PCID2: variants seen among roughly 807,000 people sequenced by gnomAD.
PCID2 encodes the protein PCI domain-containing protein 2.
A neutral mutation model predicts 61.3 loss-of-function variants in PCID2; 41 were observed. That is an observed-to-expected ratio of 0.67 (90% CI 0.52 to 0.87). PCID2 has a LOEUF of 0.87. PCID2 is among the 40% of genes least tolerant of loss of function. The pLI is 0.00. For synonymous variants in PCID2, 187 were observed against 177.8 expected (o/e 1.05, Z -0.41); for missense variants, 392 against 493.4 (o/e 0.79, Z 1.95).
chr13:113,178,432 A>G, intron 13 of PCID2, 145 bp from the exon 14 acceptor site: 1 of 580,666 alleles, frequency 1.7e-6, no homozygotes, highest in Non-Finnish European at 3.1e-6. Context: ...GAGTAAAAAT[A>G]AATACAATCA....
chr13:113,203,398 A>G (rs1032331663), intron 1 of PCID2, among the ~76,000 whole-genome samples: 5 of 152,222 alleles, frequency 3.3e-5, no homozygotes, highest in Admixed American at 3.3e-4. Context: ...TATTATGGAA[A>G]CTAAGTTTCT....
the PCID2 span, among the ~76,000 whole-genome samples, chr13:113,166,698 T>C: frequency 1.3e-4 from 20 of 152,354 alleles, no homozygotes; most frequent in Middle Eastern, 0.01. Flanking sequence ...TTATCACTTT[T>C]CCTGCCCAAG....
chr13:113,190,620 G>A (rs1366283410), intron 7 of PCID2: 1 of 335,336 alleles, frequency 3.0e-6, no homozygotes, highest in Non-Finnish European at 5.3e-6. Context: ...GCACTAGACG[G>A]AAACTGGTTC....
chr13:113,190,230 TA>T lies in PCID2; in HGVS notation c.467+641del, dbSNP rs57820999. Among the ~76,000 whole-genome samples, 519 of 129,496 alleles carry T rather than the reference TA, an allele frequency of 4.0e-3. 1 individual carries two copies. Among genetic ancestry groups the T allele is most frequent in the African/African-American group, 9.9e-3 (343 of 34,788 alleles). 85.0% of individuals were successfully genotyped at this position (129,496 alleles called of 152,430 possible). A position where few individuals can be genotyped will look rare whatever the true frequency, so the allele number is the denominator to read the frequency against. ...CCAATGAACCCTAAACAGAAGAAAT[TA>T]AAAAAAAAAAAAAAAACCAACTATG... is the stretch of plus-strand genomic sequence containing the variant. On this transcript the variant is annotated intron_variant, in intron 7 of 13. Transcript: ENST00000337344.
At chr13:113,196,271 T>G (rs1357320180) in intron 4 of PCID2, 49 bp from the exon 5 acceptor site, 1 of 1,369,182 alleles carries the variant, frequency 7.3e-7, no homozygotes, top group East Asian at 2.3e-5. Context: ...TAATGCTACG[T>G]ACGATAAAAG....
chr13:113,197,081 A>C (rs1392454905), intron 4 of PCID2, 97 bp downstream of exon 4: 1 of 1,614,140 alleles, frequency 6.2e-7, no homozygotes, highest in African/African-American at 1.3e-5. Flanking sequence ...CTAACTGCAG[A>C]AATGAGCAAC....
rs193147439 is a variant in PCID2, at chr13:113,198,328, A to G, written c.127-64T>C. 8 of 962,868 alleles carry G rather than the reference A, an allele frequency of 8.3e-6. No individual in the cohort carries two copies. In the African/African-American group the frequency reaches 1.1e-4, roughly 14 times the overall value. The allele number at this position is 962,868 out of a possible 1,614,324, so 59.6% of individuals were successfully genotyped here. On this transcript the variant is annotated intron_variant, in intron 2 of 13. Coordinates refer to ENST00000337344, the MANE Select transcript of PCID2 (RefSeq NM_001127202.4). The stretch of plus-strand genomic sequence containing the variant: ...TAGGCACAGAAAGAATGCAACATAT[A>G]GAAAGAGATTTAAACCTCTGTTTCA...
Position 113,196,328 on chromosome 13 carries a change from C to T in PCID2, c.267-106G>A, listed in dbSNP as rs2039013284. 5 of 826,732 alleles carry T rather than the reference C, an allele frequency of 6.0e-6. No individual in the cohort carries two copies. The Admixed American group carries it at 8.1e-5, about 13-fold the overall frequency. The allele number at this position is 826,732 out of a possible 1,614,324, so 51.2% of individuals were successfully genotyped here. A position where few individuals can be genotyped will look rare whatever the true frequency, so the allele number is the denominator to read the frequency against. On this transcript the variant is annotated intron_variant, in intron 4 of 13. Coordinates refer to ENST00000337344, the MANE Select transcript of PCID2 (RefSeq NM_001127202.4). Reference sequence around the variant, plus strand: ...TTAAGGAATGTAGATCACCCTTGAGCAGATTTATGTTGCAACAATAGTAAG... The same window carrying T: ...TTAAGGAATGTAGATCACCCTTGAGTAGATTTATGTTGCAACAATAGTAAG...
intron 6 of PCID2, among the ~76,000 whole-genome samples, chr13:113,191,996 C>CCA (rs2038658948): frequency 1.3e-5 from 2 of 152,214 alleles, no homozygotes; most frequent in Admixed American, 6.5e-5. Context: ...GTGGTTCACA[C>CCA]CTGTAATCCC....
intron 1 of PCID2, among the ~76,000 whole-genome samples, chr13:113,207,635 A>G (rs932020109): frequency 6.6e-6 from 1 of 152,226 alleles, no homozygotes; most frequent in Non-Finnish European, 1.5e-5. Context: ...TCCTGTTTTA[A>G]CCAGTTTTCT....
intron 1 of PCID2, chr13:113,208,113 G>A (rs936231201): frequency 4.3e-6 from 7 of 1,611,024 alleles, no homozygotes; most frequent in Non-Finnish European, 5.9e-6. Flanking sequence ...AAACGACAGC[G>A]AGGACGAGGG....
intron 1 of PCID2, chr13:113,208,096 G>A: frequency 1.9e-6 from 3 of 1,612,444 alleles, no homozygotes; most frequent in Non-Finnish European, 2.5e-6. Context: ...GGAGAGTGAA[G>A]GGCGTTAAAC....
At chr13:113,165,014 G>A in the PCID2 span, 11 of 1,597,190 alleles carry the variant, frequency 6.9e-6, no homozygotes, top group East Asian at 2.0e-4. Context: ...CGCTGAGAAG[G>A]CGCTGATTTT....
At chr13:113,195,803 A>G (rs2038971255) in intron 5 of PCID2, among the ~76,000 whole-genome samples, 1 of 152,246 alleles carries the variant, frequency 6.6e-6, no homozygotes, top group South Asian at 2.1e-4. Flanking sequence ...TAAAAATACC[A>G]CCATTATTAT....
At chr13:113,193,989 C>T (rs542009579) in intron 6 of PCID2, among the ~76,000 whole-genome samples, 9 of 152,256 alleles carry the variant, frequency 5.9e-5, no homozygotes, top group Admixed American at 5.2e-4. Context: ...CACTACCTGA[C>T]GAGACTATGG....
downstream of PCID2, among the ~76,000 whole-genome samples, chr13:113,176,744 CAG>C (rs1043864012): frequency 2.6e-5 from 4 of 152,102 alleles, no homozygotes; most frequent in African/African-American, 7.2e-5. Context: ...GCCTGGGTGA[CAG>C]AGTGAGGTCC....
rs533925491 is a variant in PCID2 at position 113,179,903 on chromosome 13, G to A, written c.986+14C>T. On this transcript the variant is annotated intron_variant, in intron 12 of 13. Coordinates refer to ENST00000337344, the MANE Select transcript of PCID2 (RefSeq NM_001127202.4). The surrounding 1 kb of genome is among the most constrained non-coding windows in gnomAD (Gnocchi z 4.3). The stretch of plus-strand genomic sequence containing the variant: ...AGCCACACTGGGAGCCCAATGTGCC[G>A]GGGAAATGCTTACACTTTCTTAAAG... 8.7e-6 allele frequency: 14 copies of A among 1,607,784 alleles called. No homozygotes were observed. The highest frequency in any genetic ancestry group is 1.7e-4 in the Middle Eastern group (1 of 5,926).
At chr13:113,190,781 G>C in intron 7 of PCID2, 91 bp downstream of exon 7, 2 of 613,774 alleles carry the variant, frequency 3.3e-6, no homozygotes, top group South Asian at 5.4e-5. Flanking sequence ...TGAAATATGT[G>C]TCAACAATAA....
the PCID2 span, among the ~76,000 whole-genome samples, chr13:113,171,275 A>T: frequency 1.3e-5 from 2 of 152,198 alleles, no homozygotes; most frequent in Non-Finnish European, 2.9e-5. This position sits in a 1 kb window ranked among gnomAD's most constrained non-coding sequence, Gnocchi z 5.1. Context: ...CTCAACAGCC[A>T]ATGTTTGACT....
Sources: allele counts gnomAD v4.1 joint callset (sites outside exome capture counted in the v4.1 genomes callset), GRCh38; gene constraint gnomAD v4.1.1; non-coding constraint Gnocchi (gnomAD v3.1); transcripts MANE v1.5; gene names NCBI Gene and HGNC (gene_info 2026-07-23, HGNC 2026-07-21).